Variants in HIPK1 observed in about 807,000 individuals in gnomAD.
HIPK1 encodes the protein homeodomain-interacting protein kinase 1.
Under a neutral mutation model 117.1 loss-of-function variants are expected in HIPK1, and 28 were observed. That is an observed-to-expected ratio of 0.24 (90% CI 0.18 to 0.33). The LOEUF is 0.33. HIPK1 is among the 10% of genes least tolerant of loss of function. The pLI, the probability that HIPK1 is intolerant of heterozygous loss-of-function variation, is 1.00. For synonymous variants in HIPK1, 605 were observed against 562.5 expected (o/e 1.08, Z -1.07); for missense variants, 1,122 against 1,475.1 (o/e 0.76, Z 3.92).
chr1:113,929,711 A>AGGC lies in HIPK1; in HGVS notation c.-3+197_-3+199dup, dbSNP rs774270345. On this transcript the variant is annotated intron_variant, in intron 1 of 15. Coordinates refer to ENST00000426820, the MANE Select transcript of HIPK1 (RefSeq NM_198268.3). ...GCCGAGGCGGGAGCGCGCGGGGCTG[A>AGGC]GGCGGCGGCGGCGGCGGCGGGAAGG... The AGGC allele has an allele frequency of 3.1e-4, 247 of 803,212 alleles. 1 individual carries two copies. The highest frequency in any genetic ancestry group is 3.0e-3 in the East Asian group (23 of 7,638). The allele number at this position is 803,212 out of a possible 1,614,324, so 49.8% of individuals were successfully genotyped here.
intron 1 of HIPK1, chr1:113,932,282 G>A (rs1669945119): frequency 6.6e-6 from 1 of 151,734 alleles, no homozygotes; most frequent in Non-Finnish European, 1.5e-5. Context: ...TGCTTTCCCA[G>A]AGTGCTTAAG....
rs1175458166 is a variant in HIPK1, at chr1:113,967,678, AT to A, written c.2382-84del. 4.6e-6 allele frequency: 4 copies of A among 870,602 alleles called. No individual in the cohort carries two copies. The East Asian group carries it at 1.2e-4, about 25-fold the overall frequency. 53.9% of individuals were successfully genotyped at this position (870,602 alleles called of 1,614,324 possible). ...CTTTAAAAAAATAAAATGCAGCTGCATTTTGGCTAATTGCTTTTGATGTCTG... is the reference window on the plus strand; with the variant it reads ...CTTTAAAAAAATAAAATGCAGCTGCATTTGGCTAATTGCTTTTGATGTCTG... On this transcript the variant is annotated intron_variant, in intron 11 of 15. Coordinates refer to ENST00000426820, the MANE Select transcript of HIPK1 (RefSeq NM_198268.3).
At position 113,956,697 on chromosome 1, in the gene HIPK1, A is replaced by G. The variant is rs749816872; in HGVS notation, c.1478A>G (p.Asp493Gly). Residue 493 changes from aspartate to glycine, a missense_variant, in exon 6 of 16, where the codon GAT (aspartate) becomes GGT (glycine). By Grantham distance (94) the Asp-to-Gly change is moderately conservative. This residue lies in a region of HIPK1 where 127 missense variants were observed against 197.9 expected (regional missense o/e 0.64). Transcript: ENST00000426820. ...AAGGCAGACCGAAGAGAATACATTGATCTGTTAAAGAAAATGCTCACAATT... is the reference window on the plus strand; with the variant it reads ...AAGGCAGACCGAAGAGAATACATTGGTCTGTTAAAGAAAATGCTCACAATT... The part of the protein sequence containing the change: ...AEKADRREYI[D>G]LLKKMLTIDA... 24 of 1,613,824 alleles carry G rather than the reference A, an allele frequency of 1.5e-5. No individual in the cohort carries two copies. Among genetic ancestry groups the G allele is most frequent in the Non-Finnish European group, 3.4e-6 (4 of 1,179,808 alleles).
intron 1 of HIPK1, among the ~76,000 whole-genome samples, chr1:113,931,872 T>G (rs549141518): frequency 6.6e-6 from 1 of 152,368 alleles, no homozygotes; most frequent in East Asian, 1.9e-4. Flanking sequence ...CTGCTTGATC[T>G]GCCACCTGCA....
At chr1:113,965,990 C>T in intron 10 of HIPK1, 140 bp from the exon 11 acceptor site, 1 of 768,606 alleles carries the variant, frequency 1.3e-6, no homozygotes, top group Non-Finnish European at 2.0e-6. Flanking sequence ...GCCCCTCTGA[C>T]CTTTCTTTTT....
intron 13 of HIPK1, among the ~76,000 whole-genome samples, chr1:113,969,330 G>A (rs955035956): frequency 3.3e-5 from 5 of 152,144 alleles, no homozygotes; most frequent in African/African-American, 4.8e-5. Context: ...ATTCTGTCCT[G>A]GGTCTGAATC....
chr1:113,954,587 G>T (rs761141997), intron 3 of HIPK1, 64 bp from the exon 4 acceptor site: 3 of 1,571,814 alleles, frequency 1.9e-6, no homozygotes, highest in Non-Finnish European at 2.6e-6. Flanking sequence ...ATGTTTTAGT[G>T]TAAAAGCCTT....
intron 13 of HIPK1, among the ~76,000 whole-genome samples, 166 bp from the exon 14 acceptor site, chr1:113,969,790 C>G (rs920891940): frequency 6.6e-6 from 1 of 152,038 alleles, no homozygotes; most frequent in African/African-American, 2.4e-5. Flanking sequence ...ACCTGTAGTC[C>G]CAGCTACTCG....
intron 1 of HIPK1, among the ~76,000 whole-genome samples, chr1:113,938,887 G>A (rs755107710): frequency 1.6e-4 from 23 of 144,156 alleles, no homozygotes; most frequent in Non-Finnish European, 3.3e-4. Context: ...TCCAGCTTGG[G>A]CTACAGAGTG....
At chr1:113,954,303 T>G (rs926532192) in intron 3 of HIPK1, among the ~76,000 whole-genome samples, 1 of 152,236 alleles carries the variant, frequency 6.6e-6, no homozygotes, top group African/African-American at 2.4e-5. Context: ...AATACACTTC[T>G]ACCTTGTCAT....
chr1:113,975,631 T>A lies in HIPK1; in HGVS notation c.*2119T>A, dbSNP rs1673100729. The A allele has an allele frequency of 6.5e-6, 1 of 152,684 alleles. No homozygotes were observed. The highest frequency in any genetic ancestry group is 1.5e-5 in the Non-Finnish European group (1 of 68,022). 9.5% of individuals were successfully genotyped at this position (152,684 alleles called of 1,614,324 possible). A position where few individuals can be genotyped will look rare whatever the true frequency, so the allele number is the denominator to read the frequency against. On this transcript the variant is annotated 3_prime_UTR_variant, in exon 16 of 16. Coordinates refer to ENST00000426820, the MANE Select transcript of HIPK1 (RefSeq NM_198268.3). ...ACAGATGTGTTTATACCAAAGAGCC[T>A]GTTGTATTGCTTACCATGTCCCCAT...
chr1:113,962,417 T>G lies in HIPK1; in HGVS notation c.2082T>G (p.Ile694Met). ...CACCAGCTGCTCAGCCACTACAGAT[T>G]CAGTCAGGAGTTCTCACGCAGGTAA... The part of the protein sequence containing the change: ...PQAPAAQPLQ[I>M]QSGVLTQGSC... The change falls in exon 9 of 16, where the codon ATT becomes ATG. Residue 694 changes from isoleucine to methionine, a missense_variant. Ile to Met is a conservative substitution (Grantham distance 10, BLOSUM62 1). Around this residue, in one of 6 missense-constraint regions of HIPK1, gnomAD observed 731 missense variants for 860.4 expected, o/e 0.85. Coordinates refer to ENST00000426820, the MANE Select transcript of HIPK1 (RefSeq NM_198268.3). The G allele has an allele frequency of 2.5e-6, 4 of 1,613,784 alleles. No individual in the cohort carries two copies. The highest frequency in any genetic ancestry group is 3.4e-6 in the Non-Finnish European group (4 of 1,179,800).
chr1:113,972,986 G>T, intron 15 of HIPK1, 38 bp from the exon 16 acceptor site: 1 of 1,509,090 alleles, frequency 6.6e-7, no homozygotes, highest in South Asian at 1.4e-5. Flanking sequence ...GAGCTGGAGT[G>T]ACCTCAGGAT....
chr1:113,935,691 T>C (rs1670206136), intron 1 of HIPK1, among the ~76,000 whole-genome samples: 1 of 152,224 alleles, frequency 6.6e-6, no homozygotes, highest in South Asian at 2.1e-4. Context: ...ATCTGTTATT[T>C]TTTGACTTCT....
chr1:113,963,252 TTTGGTA>T, intron 9 of HIPK1, 129 bp from the exon 10 acceptor site: 1 of 989,266 alleles, frequency 1.0e-6, no homozygotes, highest in Non-Finnish European at 1.5e-6. Flanking sequence ...GAAAGTTGTG[TTTGGTA>T]TATGCATTTT....
chr1:113,950,601 TTAAG>T (rs1671289938), intron 2 of HIPK1, among the ~76,000 whole-genome samples: 1 of 152,084 alleles, frequency 6.6e-6, no homozygotes, highest in African/African-American at 2.4e-5. Flanking sequence ...CCTCCCAAGT[TTAAG>T]TAATTCTCTT....
intron 12 of HIPK1, 111 bp from the exon 13 acceptor site, chr1:113,968,331 T>A (rs1672590270): frequency 5.0e-6 from 4 of 799,780 alleles, no homozygotes; most frequent in Non-Finnish European, 8.7e-6. Context: ...ATTTGCTTAA[T>A]GATTATGTAA....
intron 6 of HIPK1, 68 bp from the exon 7 acceptor site, chr1:113,957,056 A>T: frequency 7.7e-7 from 1 of 1,301,640 alleles, no homozygotes; most frequent in South Asian, 1.3e-5. Context: ...ATCCATGTTC[A>T]TCTTGAGTTA....
At position 113,967,916 on chromosome 1, in the gene HIPK1, G is replaced by A; in HGVS notation, c.2532G>A (p.Lys844=). ...RQQQSSSLPS[K]KNKQSAPVSS... ...AACAATCCAGTTCCCTCCCTTCGAA[G>A]AAGAATAAGCAGTCAGCTCCAGTCT... The change falls in exon 12 of 16, where the codon AAG becomes AAA. Residue 844 remains lysine (K), a synonymous_variant. Transcript: ENST00000426820. 1 of 1,609,008 alleles carries A rather than the reference G, an allele frequency of 6.2e-7. No individual in the cohort carries two copies. The highest frequency in any genetic ancestry group is 8.5e-7 in the Non-Finnish European group (1 of 1,178,840).
Sources: allele counts gnomAD v4.1 joint callset (sites outside exome capture counted in the v4.1 genomes callset), GRCh38; gene constraint gnomAD v4.1.1; regional missense constraint gnomAD v4.1.1; transcripts MANE v1.5; gene names NCBI Gene and HGNC (gene_info 2026-07-23, HGNC 2026-07-21).